MAD1L1: variants seen among roughly 807,000 people sequenced by gnomAD.
MAD1L1 encodes mitotic arrest deficient 1 like 1, also known as mitotic spindle assembly checkpoint protein MAD1.
A neutral mutation model predicts 96.9 loss-of-function variants in MAD1L1; 95 were observed. The ratio of observed to expected loss-of-function variants is 0.98; its 90% CI spans 0.83 to 1.16. The LOEUF (loss-of-function observed/expected upper bound fraction) is 1.16. Among genes scored for constraint, MAD1L1 ranks in the 50% most tolerant of loss-of-function variants. MAD1L1 has a pLI of 0.00. For missense variants in MAD1L1, 1,007 were observed against 954.4 expected (o/e 1.06, Z -0.73); for synonymous variants, 473 against 396.6 (o/e 1.19, Z -2.29).
intron 15 of MAD1L1, among the ~76,000 whole-genome samples, chr7:1,961,155 T>C (rs1779936716): frequency 6.6e-6 from 1 of 152,186 alleles, no homozygotes; most frequent in African/African-American, 2.4e-5. Context: ...TGGGAGACTC[T>C]GGGTGTTGGG....
intron 12 of MAD1L1, among the ~76,000 whole-genome samples, chr7:2,018,407 G>A (rs1782637887): frequency 1.3e-5 from 2 of 152,236 alleles, no homozygotes; most frequent in Admixed American, 6.5e-5. Flanking sequence ...GCTGCTGTCT[G>A]CCTGGTTCTT....
intron 10 of MAD1L1, among the ~76,000 whole-genome samples, chr7:2,198,498 G>A (rs973818078): frequency 3.9e-5 from 6 of 152,234 alleles, no homozygotes; most frequent in African/African-American, 1.4e-4. Flanking sequence ...AACACCAGGA[G>A]CGCTGGCATC....
chr7:2,067,683 C>T (rs550301340), intron 12 of MAD1L1, among the ~76,000 whole-genome samples: 41 of 152,362 alleles, frequency 2.7e-4, no homozygotes, highest in Non-Finnish European at 4.4e-4. Context: ...TGTCTCCTCC[C>T]GCTCCAGGCC....
At chr7:1,976,296 T>A (rs567151449) in intron 15 of MAD1L1, among the ~76,000 whole-genome samples, 1 of 152,314 alleles carries the variant, frequency 6.6e-6, no homozygotes, top group African/African-American at 2.4e-5. Context: ...TTAAAGATGG[T>A]GTGTCTGGAG....
intron 11 of MAD1L1, among the ~76,000 whole-genome samples, chr7:2,143,190 C>G (rs941729337): frequency 3.9e-5 from 6 of 152,026 alleles, no homozygotes; most frequent in African/African-American, 1.5e-4. Context: ...GAGTCACCAT[C>G]ACCAGAAAGA....
At chr7:2,215,539 G>A (rs1409877457) in intron 9 of MAD1L1, among the ~76,000 whole-genome samples, 1 of 152,128 alleles carries the variant, frequency 6.6e-6, no homozygotes, top group Non-Finnish European at 1.5e-5. Flanking sequence ...CCAGCTTCCA[G>A]ATGACCCACA....
intron 10 of MAD1L1, among the ~76,000 whole-genome samples, chr7:2,192,004 C>T (rs1278196136): frequency 6.6e-6 from 1 of 151,676 alleles, no homozygotes; most frequent in Non-Finnish European, 1.5e-5. Context: ...GCACTCCAGC[C>T]TGGGTGACAG....
chr7:1,979,440 T>C (rs1446479622), intron 15 of MAD1L1, among the ~76,000 whole-genome samples: 2 of 152,180 alleles, frequency 1.3e-5, no homozygotes, highest in East Asian at 1.9e-4. Flanking sequence ...GCCTCCCACA[T>C]TGGATTCTGG....
intron 12 of MAD1L1, among the ~76,000 whole-genome samples, chr7:2,053,867 G>C (rs1784285709): frequency 6.6e-6 from 1 of 152,248 alleles, no homozygotes; most frequent in African/African-American, 2.4e-5. Context: ...CAGTGCTCCA[G>C]GGGCACCCGA....
At chr7:2,071,141 C>T (rs530623226) in intron 11 of MAD1L1, among the ~76,000 whole-genome samples, 2 of 152,266 alleles carry the variant, frequency 1.3e-5, no homozygotes, top group East Asian at 1.9e-4. Flanking sequence ...GGGGATGGCA[C>T]TTTCTTGGGC....
At chr7:1,818,699 ATTCT>A (rs1412683898) in intron 18 of MAD1L1, among the ~76,000 whole-genome samples, 1 of 152,062 alleles carries the variant, frequency 6.6e-6, no homozygotes, top group Non-Finnish European at 1.5e-5. Flanking sequence ...AGCTCTGATC[ATTCT>A]TTATTTGAAA....
In MAD1L1 at chr7:1,953,329, G is replaced by A. The variant is rs1779583470; in HGVS notation, c.1596+4300C>T. ...TTAAACGTCACAGGGCTCTTGTCTGGTCTCTTTCCTGAACAGCACTTGGGA... is the reference window on the plus strand; with the variant it reads ...TTAAACGTCACAGGGCTCTTGTCTGATCTCTTTCCTGAACAGCACTTGGGA... On this transcript the variant is annotated intron_variant, in intron 16 of 18. Coordinates refer to ENST00000265854, the MANE Select transcript of MAD1L1 (RefSeq NM_001013836.2). 3.3e-5 allele frequency among the ~76,000 whole-genome samples: 5 copies of A among 152,172 alleles called. No individual in the cohort carries two copies. The South Asian group carries it at 1.0e-3, about 32-fold the overall frequency.
intron 18 of MAD1L1, among the ~76,000 whole-genome samples, chr7:1,819,540 G>T (rs1226961700): frequency 6.6e-6 from 1 of 152,224 alleles, no homozygotes; most frequent in Non-Finnish European, 1.5e-5. Context: ...CATGTCCGTG[G>T]AACACGTGGG....
At position 1,828,984 on chromosome 7, in the gene MAD1L1, C is replaced by T. The variant is rs576178595; in HGVS notation, c.1999-12756G>A. On this transcript the variant is annotated intron_variant, in intron 18 of 18. Coordinates refer to ENST00000265854, the MANE Select transcript of MAD1L1 (RefSeq NM_001013836.2). ...CATGGCGAAAACAGGATCAGTGAAG[C>T]TGCAGATACAACCACGGAAACCGTC... 4.5e-4 allele frequency among the ~76,000 whole-genome samples: 68 copies of T among 152,294 alleles called. 1 individual carries two copies. Among genetic ancestry groups the T allele is most frequent in the African/African-American group, 1.5e-3 (63 of 41,558 alleles).
intron 9 of MAD1L1, 90 bp from the exon 10 acceptor site, chr7:2,213,363 C>CAG: frequency 8.1e-7 from 1 of 1,237,328 alleles, no homozygotes; most frequent in East Asian, 2.3e-5. Flanking sequence ...TGCTAAGTCC[C>CAG]TGACCTCTCA....
intron 15 of MAD1L1, among the ~76,000 whole-genome samples, chr7:1,961,092 A>G (rs1253091291): frequency 6.6e-6 from 1 of 152,218 alleles, no homozygotes; most frequent in Non-Finnish European, 1.5e-5. Context: ...CACTGTGAAG[A>G]GAGCTCCAGG....
At chr7:1,887,977 G>A (rs562093129) in intron 18 of MAD1L1, among the ~76,000 whole-genome samples, 27 of 93,254 alleles carry the variant, frequency 2.9e-4, no homozygotes, top group Admixed American at 2.0e-3. Context: ...CTATGCATGT[G>A]TGTGTGCATG....
intron 11 of MAD1L1, among the ~76,000 whole-genome samples, chr7:2,130,573 C>T (rs187192449): frequency 6.6e-6 from 1 of 152,258 alleles, no homozygotes; most frequent in East Asian, 1.9e-4. Context: ...AAGGTGTGTC[C>T]TATCACTCCT....
intron 10 of MAD1L1, among the ~76,000 whole-genome samples, chr7:2,174,535 G>A (rs11762508): frequency 0.026 from 4,006 of 152,108 alleles, 91 homozygotes; most frequent in South Asian, 0.074. Flanking sequence ...GTTTCTTTGC[G>A]GTACTTGTTG....
Sources: allele counts gnomAD v4.1 joint callset (sites outside exome capture counted in the v4.1 genomes callset), GRCh38; gene constraint gnomAD v4.1.1; transcripts MANE v1.5; gene names NCBI Gene and HGNC (gene_info 2026-07-23, HGNC 2026-07-21).